Variants in CDCA5 observed in about 807,000 individuals in gnomAD.
The protein encoded by CDCA5 is sororin.
Under a neutral mutation model 25.7 loss-of-function variants are expected in CDCA5, and 14 were observed. That is an observed-to-expected ratio of 0.54 (90% CI 0.36 to 0.85). The LOEUF is 0.85. CDCA5 is among the 40% of genes least tolerant of loss of function. CDCA5 has a pLI of 0.01. For missense variants in CDCA5, 307 were observed against 324.5 expected, an observed-to-expected ratio of 0.95 and a Z score of 0.41; for synonymous variants, 127 against 128.7, an observed-to-expected ratio of 0.99 and a Z score of 0.09.
At chr11:65,079,278 C>T (rs565801632) in intron 5 of CDCA5, 75 bp downstream of exon 5, 2 of 1,610,692 alleles carry the variant, frequency 1.2e-6, no homozygotes, top group Non-Finnish European at 1.7e-6. Context: ...TGCCTATCCC[C>T]CAAAAGAGCC....
In CDCA5 at chr11:65,077,674, G is replaced by A; in HGVS notation, c.*1433C>T. On this transcript the variant is annotated 3_prime_UTR_variant, in exon 6 of 6. Coordinates refer to ENST00000275517, the MANE Select transcript of CDCA5 (RefSeq NM_080668.4). ...GTTCTTCAGTGCGGTTCAGCTCAAG[G>A]ACACCTAGGCTTCCCCAGCAGGGGG... The A allele has an allele frequency of 1.0e-6, 1 of 985,464 alleles. No homozygotes were observed. The highest frequency in any genetic ancestry group is 1.2e-6 in the Non-Finnish European group (1 of 829,970). The allele number at this position is 985,464 out of a possible 1,614,324, so 61.0% of individuals were successfully genotyped here.
At position 65,083,484 on chromosome 11, in the gene CDCA5, C is replaced by A. The variant is rs1259649817; in HGVS notation, c.207+1G>T. The A allele has an allele frequency of 6.2e-7, 1 of 1,614,104 alleles. No homozygotes were observed. Among genetic ancestry groups the A allele is most frequent in the Non-Finnish European group, 8.5e-7 (1 of 1,180,050 alleles). Reference sequence around the variant, plus strand: ...CCCACAACACTCTCCTTAGCCTTTACCTCTACAGCATGGGCCACGATCCTC... The same window carrying A: ...CCCACAACACTCTCCTTAGCCTTTAACTCTACAGCATGGGCCACGATCCTC... On this transcript the variant is annotated splice_donor_variant, in intron 3 of 5. Coordinates refer to ENST00000275517, the MANE Select transcript of CDCA5 (RefSeq NM_080668.4). LOFTEE classifies it high-confidence loss of function.
exon 3 of CDCA5, chr11:65,068,115 G>A (rs1432476622): frequency 2.3e-6 from 3 of 1,289,186 alleles, no homozygotes; most frequent in Admixed American, 2.3e-5. Flanking sequence ...TCTGAGGAAG[G>A]TGGCTTTGCA....
chr11:65,066,868 G>A (rs1565264665), exon 5 of CDCA5: 1 of 1,289,300 alleles, frequency 7.8e-7, no homozygotes, highest in Non-Finnish European at 1.0e-6. Context: ...GGTGTTCAGT[G>A]ACTCCCGAAG....
chr11:65,081,028 T>C (rs1947553778), intron 4 of CDCA5, among the ~76,000 whole-genome samples: 1 of 152,042 alleles, frequency 6.6e-6, no homozygotes, highest in Admixed American at 6.6e-5. Context: ...GAACAGAAGG[T>C]GCAACAACCC....
chr11:65,078,878 AAG>A lies in CDCA5; in HGVS notation c.*227_*228del. On this transcript the variant is annotated 3_prime_UTR_variant, in exon 6 of 6. Transcript: ENST00000275517. Reference sequence around the variant, plus strand: ...GGGGAGATAGGAAGGACAGGACGACAAGAGACAGGACACCAGTGAGTGGCTGG... The same window carrying A: ...GGGGAGATAGGAAGGACAGGACGACAAGACAGGACACCAGTGAGTGGCTGG... 1 of 1,238,854 alleles carries A rather than the reference AAG, an allele frequency of 8.1e-7. No homozygotes were observed. The highest frequency in any genetic ancestry group is 1.0e-6 in the Non-Finnish European group (1 of 991,328). The allele number at this position is 1,238,854 out of a possible 1,614,324, so 76.7% of individuals were successfully genotyped here. A position where few individuals can be genotyped will look rare whatever the true frequency, so the allele number is the denominator to read the frequency against.
intron 1 of CDCA5, among the ~76,000 whole-genome samples, chr11:65,069,366 C>T (rs1400918405): frequency 3.9e-5 from 6 of 152,094 alleles, no homozygotes; most frequent in African/African-American, 1.4e-4. Flanking sequence ...CTGAGTCCAC[C>T]TGCGCCTCTA....
At chr11:65,082,871 A>T (rs1947601725) in intron 4 of CDCA5, among the ~76,000 whole-genome samples, 1 of 151,988 alleles carries the variant, frequency 6.6e-6, no homozygotes, top group Non-Finnish European at 1.5e-5. Flanking sequence ...TCCTTATTGC[A>T]GTCCCAGTAC....
rs1442620012 is a variant in CDCA5 at position 65,078,851 on chromosome 11, T to C, written c.*256A>G. Reference sequence around the variant, plus strand: ...CCATCTGGAAACTGGCTATGGTACTTTGGGGAGATAGGAAGGACAGGACGA... The same window carrying C: ...CCATCTGGAAACTGGCTATGGTACTCTGGGGAGATAGGAAGGACAGGACGA... On this transcript the variant is annotated 3_prime_UTR_variant, in exon 6 of 6. Coordinates refer to ENST00000275517, the MANE Select transcript of CDCA5 (RefSeq NM_080668.4). 4.2e-6 allele frequency: 5 copies of C among 1,199,138 alleles called. No individual in the cohort carries two copies. The highest frequency in any genetic ancestry group is 5.2e-6 in the Non-Finnish European group (5 of 966,668). The allele number at this position is 1,199,138 out of a possible 1,614,324, so 74.3% of individuals were successfully genotyped here.
chr11:65,074,730 C>A (rs1373671871), downstream of CDCA5, among the ~76,000 whole-genome samples: 179 of 109,774 alleles, frequency 1.6e-3, no homozygotes, highest in African/African-American at 6.2e-3. Context: ...CGGAGCCAGA[C>A]CTTGTCTCAA....
chr11:65,083,454 A>C lies in CDCA5; in HGVS notation c.207+31T>G, dbSNP rs774416579. 4 of 1,614,062 alleles carry C rather than the reference A, an allele frequency of 2.5e-6. No individual in the cohort carries two copies. In the African/African-American group the frequency reaches 5.3e-5, roughly 22 times the overall value. On this transcript the variant is annotated intron_variant, in intron 3 of 5. Transcript: ENST00000275517. ...AGCTGGTCCCCAGTTTTGCCCGCCT[A>C]ACCACCCACAACACTCTCCTTAGCC...
intron 1 of CDCA5, among the ~76,000 whole-genome samples, chr11:65,072,304 C>T (rs1013073841): frequency 1.2e-4 from 19 of 152,192 alleles, no homozygotes; most frequent in African/African-American, 4.6e-4. Context: ...GGTCTAGGCC[C>T]ATGTGTTGGG....
rs1426797145 is a variant in CDCA5 at position 65,079,485 on chromosome 11, T to C, written c.546A>G (p.Pro182=). 1.9e-6 allele frequency: 3 copies of C among 1,614,008 alleles called. No individual in the cohort carries two copies. The highest frequency in any genetic ancestry group is 2.7e-5 in the African/African-American group (2 of 74,888). ...LGAEDLSGVS[P]VVCSKLTEVP... ...CCTCGGTGAGTTTGGAGCACACCACTGGCGAGACTCCGGACAAGTCTTCTG... is the reference window on the plus strand; with the variant it reads ...CCTCGGTGAGTTTGGAGCACACCACCGGCGAGACTCCGGACAAGTCTTCTG... Residue 182 remains proline, a synonymous_variant, in exon 5 of 6, where the codon CCA becomes CCG. Coordinates refer to ENST00000275517, the MANE Select transcript of CDCA5 (RefSeq NM_080668.4).
downstream of CDCA5, among the ~76,000 whole-genome samples, chr11:65,065,874 T>C (rs1947228380): frequency 6.6e-6 from 1 of 151,996 alleles, no homozygotes; most frequent in African/African-American, 2.4e-5. Flanking sequence ...CACCTCTCTC[T>C]GCCCCCCAAC....
intron 3 of CDCA5, chr11:65,067,942 C>T (rs1435903309): frequency 2.0e-6 from 2 of 996,790 alleles, no homozygotes; most frequent in Non-Finnish European, 2.8e-6. Flanking sequence ...GGGAGAAACA[C>T]CATCCACCTC....
chr11:65,073,693 A>G (rs951748436), downstream of CDCA5, among the ~76,000 whole-genome samples: 3 of 152,216 alleles, frequency 2.0e-5, no homozygotes, highest in Non-Finnish European at 2.9e-5. Context: ...GGGTGCAAAC[A>G]GGAAACAATG....
downstream of CDCA5, among the ~76,000 whole-genome samples, chr11:65,076,101 T>A (rs1332241269): frequency 6.6e-6 from 1 of 152,166 alleles, no homozygotes; most frequent in Non-Finnish European, 1.5e-5. Context: ...CGACAGATGC[T>A]GGTCGACTTT....
At chr11:65,075,967 A>C (rs1441398294), downstream of CDCA5, among the ~76,000 whole-genome samples, 1 of 152,204 alleles carries the variant, frequency 6.6e-6, no homozygotes, top group African/African-American at 2.4e-5. Flanking sequence ...AGTATGTTGG[A>C]TATTAGGACA....
downstream of CDCA5, among the ~76,000 whole-genome samples, chr11:65,075,255 G>A (rs1433405837): frequency 6.6e-6 from 1 of 151,706 alleles, no homozygotes; most frequent in African/African-American, 2.4e-5. Context: ...AAATTAGCCG[G>A]GTGTGGCAGT....
Sources: gnomAD v4.1 joint callset for allele counts (sites outside exome capture counted in the v4.1 genomes callset) on GRCh38, gnomAD v4.1.1 for gene constraint, MANE v1.5 for transcripts, NCBI Gene and HGNC (gene_info 2026-07-23, HGNC 2026-07-21) for gene names.